Variants in TENM3 observed in about 807,000 individuals in gnomAD.
TENM3 encodes the protein teneurin-3.
A neutral mutation model predicts 255.1 loss-of-function variants in TENM3; 63 were observed. That is an observed-to-expected ratio of 0.25 (90% CI 0.20 to 0.30). The LOEUF is 0.30. Among genes scored for constraint, TENM3 ranks in the 10% least tolerant of loss-of-function variants. The pLI, the probability that TENM3 is intolerant of heterozygous loss-of-function variation, is 1.00. For missense variants in TENM3, 2,929 were observed against 3,461.1 expected, an observed-to-expected ratio of 0.85 and a Z score of 3.86; for synonymous variants, 1,306 against 1,322.3, an observed-to-expected ratio of 0.99 and a Z score of 0.27.
chr4:182,425,824 A>G (rs932985938), intron 3 of TENM3, among the ~76,000 whole-genome samples: 5 of 152,026 alleles, frequency 3.3e-5, no homozygotes, highest in Non-Finnish European at 7.4e-5. Flanking sequence ...CCTGACCAAC[A>G]TGGTGAAACC....
intron 3 of TENM3, among the ~76,000 whole-genome samples, chr4:182,582,918 CTT>C (rs1470877811): frequency 6.6e-6 from 1 of 152,194 alleles, no homozygotes; most frequent in African/African-American, 2.4e-5. Context: ...TGTGGAGACT[CTT>C]TTCCCTGTGC....
the TENM3 span, among the ~76,000 whole-genome samples, chr4:181,715,398 A>G: frequency 6.6e-6 from 1 of 152,222 alleles, no homozygotes; most frequent in African/African-American, 2.4e-5. Context: ...ATTGGGATAC[A>G]TTCCTCAAAC....
At chr4:181,778,839 A>G in the TENM3 span, among the ~76,000 whole-genome samples, 1 of 152,114 alleles carries the variant, frequency 6.6e-6, no homozygotes, top group Non-Finnish European at 1.5e-5. Context: ...TTTCGCCCTC[A>G]GGTTGATGAA....
chr4:181,553,720 C>T, the TENM3 span, among the ~76,000 whole-genome samples: 21 of 152,160 alleles, frequency 1.4e-4, no homozygotes, highest in East Asian at 1.6e-3. Context: ...GGATTACAGG[C>T]GTGAGCCACC....
chr4:182,208,150 T>C (rs1754712761), intron 1 of TENM3, among the ~76,000 whole-genome samples: 1 of 152,238 alleles, frequency 6.6e-6, no homozygotes, highest in Non-Finnish European at 1.5e-5. Context: ...CAGGAGACTT[T>C]GTACTTTATA....
At chr4:182,370,972 T>A (rs28444299) in intron 3 of TENM3, among the ~76,000 whole-genome samples, 1,628 of 151,934 alleles carry the variant, frequency 0.011, 28 homozygotes, top group African/African-American at 0.038. Flanking sequence ...TTTAATTAAA[T>A]TTTTTTTTCC....
the TENM3 span, among the ~76,000 whole-genome samples, chr4:181,886,926 C>T: frequency 1.3e-5 from 2 of 152,070 alleles, no homozygotes; most frequent in African/African-American, 4.8e-5. Context: ...ATGTCCTTTA[C>T]CATGAGGAAA....
chr4:182,128,387 A>G, the TENM3 span, among the ~76,000 whole-genome samples: 1 of 151,808 alleles, frequency 6.6e-6, no homozygotes, highest in South Asian at 2.1e-4. Context: ...TATGTTGCCC[A>G]GGTTGGTCTT....
the TENM3 span, among the ~76,000 whole-genome samples, chr4:182,114,433 AG>A: frequency 6.6e-6 from 1 of 151,918 alleles, no homozygotes; most frequent in Non-Finnish European, 1.5e-5. Context: ...ATTTATTTTT[AG>A]AATTTTATTC....
chr4:182,588,297 A>G (rs1447916458), intron 3 of TENM3, among the ~76,000 whole-genome samples: 1 of 152,104 alleles, frequency 6.6e-6, no homozygotes, highest in Non-Finnish European at 1.5e-5. Flanking sequence ...TATACCAGAC[A>G]TTTTATTTGT....
chr4:181,697,137 A>T, the TENM3 span, among the ~76,000 whole-genome samples: 1 of 152,214 alleles, frequency 6.6e-6, no homozygotes, highest in African/African-American at 2.4e-5. Context: ...ACTATGGCCC[A>T]AGAATCTTCA....
At chr4:181,792,226 A>G in the TENM3 span, among the ~76,000 whole-genome samples, 1 of 152,242 alleles carries the variant, frequency 6.6e-6, no homozygotes, top group Non-Finnish European at 1.5e-5. Context: ...GAATATCCTT[A>G]AGATTAACTT....
chr4:182,558,430 A>T (rs993663955), intron 3 of TENM3, among the ~76,000 whole-genome samples: 5 of 152,268 alleles, frequency 3.3e-5, no homozygotes, highest in African/African-American at 9.6e-5. Context: ...GTATATCTTC[A>T]TGTTCCTCAC....
chr4:182,676,297 G>T (rs960921142), intron 7 of TENM3, among the ~76,000 whole-genome samples: 4 of 152,204 alleles, frequency 2.6e-5, no homozygotes, highest in African/African-American at 9.6e-5. Context: ...AGTCAATGCA[G>T]AGCCTTATGG....
At chr4:181,864,696 G>T in the TENM3 span, among the ~76,000 whole-genome samples, 1 of 152,118 alleles carries the variant, frequency 6.6e-6, no homozygotes, top group African/African-American at 2.4e-5. Flanking sequence ...AAGCTGATGG[G>T]TTAAACCGCC....
the TENM3 span, among the ~76,000 whole-genome samples, chr4:182,022,331 A>T: frequency 6.4e-4 from 97 of 152,306 alleles, no homozygotes; most frequent in Admixed American, 5.0e-3. Flanking sequence ...TCTCACTTAT[A>T]AGTGGAAGCA....
intron 3 of TENM3, among the ~76,000 whole-genome samples, chr4:182,545,438 G>T (rs2151907579): frequency 6.6e-6 from 1 of 151,782 alleles, no homozygotes; most frequent in Admixed American, 6.6e-5. Flanking sequence ...CTCTACAGTT[G>T]CCTCCTGCTT....
chr4:181,789,923 C>T, the TENM3 span, among the ~76,000 whole-genome samples: 12 of 152,292 alleles, frequency 7.9e-5, no homozygotes, highest in African/African-American at 2.9e-4. Context: ...TAGTATTCTT[C>T]ATTATGCCAA....
At chr4:182,518,590 TCA>T (rs553135947) in intron 3 of TENM3, among the ~76,000 whole-genome samples, 1 of 151,832 alleles carries the variant, frequency 6.6e-6, no homozygotes, top group East Asian at 1.9e-4. Flanking sequence ...CCTGAGGGCC[TCA>T]GTCCCATAGC....
Sources: allele counts gnomAD v4.1 joint callset (sites outside exome capture counted in the v4.1 genomes callset), GRCh38; gene constraint gnomAD v4.1.1; transcripts MANE v1.5; gene names NCBI Gene and HGNC (gene_info 2026-07-23, HGNC 2026-07-21).